MUTYH: variants seen among roughly 807,000 people sequenced by gnomAD.
MUTYH encodes the protein mutY DNA glycosylase, also known as adenine DNA glycosylase.
A neutral mutation model predicts 72.9 loss-of-function variants in MUTYH; 64 were observed. The observed-to-expected ratio is 0.88, with a 90% CI of 0.72 to 1.08. MUTYH has a LOEUF of 1.08. Ranked by LOEUF, MUTYH falls within the 50% of genes least tolerant of loss-of-function variation. The pLI, the probability that MUTYH is intolerant of heterozygous loss-of-function variation, is 0.00. For missense variants in MUTYH, 633 were observed against 671.0 expected (o/e 0.94, Z 0.63); for synonymous variants, 234 against 263.1 (o/e 0.89, Z 1.07).
rs764276907 is a variant in MUTYH at position 45,331,237 on chromosome 1, C to G, written c.1337G>C (p.Arg446Pro). 1 of 1,614,098 alleles carries G rather than the reference C, an allele frequency of 6.2e-7. No homozygotes were observed. The highest frequency in any genetic ancestry group is 8.5e-7 in the Non-Finnish European group (1 of 1,180,048). ...GTGAAATTCCTCCTGCGTCAGCCAGCGAGCACCTGGTGGTACGGTGGTCAC... is the reference window on the plus strand; with the variant it reads ...GTGAAATTCCTCCTGCGTCAGCCAGGGAGCACCTGGTGGTACGGTGGTCAC... ...TPVTTVPPGA[R>P]WLTQEEFHTA... is the part of the protein sequence containing the mutation. Residue 446 changes from arginine (R) to proline (P), a missense_variant, in exon 14 of 16, where the codon CGC becomes CCC. Arg to Pro is a moderately radical substitution (Grantham distance 103, BLOSUM62 -2). Coordinates refer to ENST00000456914, the MANE Select transcript of MUTYH (RefSeq NM_001048174.2).
rs1557470128 is a variant in MUTYH at position 45,332,198 on chromosome 1, G to A, written c.817C>T (p.Pro273Ser). 1 of 1,614,050 alleles carries A rather than the reference G, an allele frequency of 6.2e-7. No homozygotes were observed. The highest frequency in any genetic ancestry group is 1.7e-5 in the Admixed American group (1 of 60,010). The change falls in exon 10 of 16, where the codon CCT becomes TCT. Residue 273 changes from proline to serine, a missense_variant. Physicochemically the swap from Pro to Ser is moderately conservative, Grantham distance 74. Transcript: ENST00000456914. ...TPQRPLCSQC[P>S]VESLCRARQR... is the part of the protein sequence containing the mutation. ...CGTGCCCGGCACAGGCTCTCCACAGGGCACTGGCTGCACAGTGGGCGCTGT... is the reference window on the plus strand; with the variant it reads ...CGTGCCCGGCACAGGCTCTCCACAGAGCACTGGCTGCACAGTGGGCGCTGT...
chr1:45,331,301 A>T lies in MUTYH; in HGVS notation c.1273T>A (p.Tyr425Asn). Residue 425 changes from tyrosine (Y) to asparagine (N), a missense_variant, in exon 14 of 16, where the codon TAT becomes AAT. By Grantham distance (143) the Tyr-to-Asn change is moderately radical. Transcript: ENST00000456914. The part of the protein sequence containing the change: ...VHTFSHIKLT[Y>N]QVYGLALEGQ... ...TCCAAGGCCAGCCCATATACTTGAT[A>T]TGTCAGCTTGATGTGAGAGAAGGTG... 1 of 1,614,158 alleles carries T rather than the reference A, an allele frequency of 6.2e-7. No individual in the cohort carries two copies. The highest frequency in any genetic ancestry group is 8.5e-7 in the Non-Finnish European group (1 of 1,180,018).
chr1:45,333,354 G>C, intron 3 of MUTYH, 30 bp from the exon 4 acceptor site: 1 of 1,614,206 alleles, frequency 6.2e-7, no homozygotes, highest in Non-Finnish European at 8.5e-7. Context: ...TGAGGAGTTA[G>C]GGTGGAGGGG....
At chr1:45,339,997 C>T (rs1557516000), upstream of MUTYH, 3 of 1,536,838 alleles carry the variant, frequency 2.0e-6, no homozygotes, top group Middle Eastern at 1.7e-4. Flanking sequence ...TCTAGCGCGC[C>T]CGGCTTTCCG....
chr1:45,336,609 C>T (rs936034509), intron 1 of MUTYH, among the ~76,000 whole-genome samples: 2 of 152,046 alleles, frequency 1.3e-5, no homozygotes, highest in Non-Finnish European at 2.9e-5. Flanking sequence ...CCCCCTGCCC[C>T]CAAAACATTG....
rs1315680518 is a variant in MUTYH, at chr1:45,329,421, TG to T, written c.1450del (p.Gln484ArgfsTer59). 1 of 1,613,976 alleles carries T rather than the reference TG, an allele frequency of 6.2e-7. No individual in the cohort carries two copies. Among genetic ancestry groups the T allele is most frequent in the Non-Finnish European group, 8.5e-7 (1 of 1,180,006 alleles). ...TTTCCGACTGCACGGAGAGGACACC[TG>T]GGACCTTTTGGAACCCTGTGAAAAA... ...PGTCMGSKRSQVSSPCSRKKP... is the reference protein window; with the variant it reads ...PGTCMGSKRSXVSSPCSRKKP... On this transcript the variant is annotated frameshift_variant, in exon 16 of 16. Transcript: ENST00000456914. LOFTEE classifies it low-confidence loss of function (END_TRUNC).
upstream of MUTYH, chr1:45,340,223 A>G: frequency 2.5e-6 from 4 of 1,613,842 alleles, no homozygotes; most frequent in Non-Finnish European, 3.4e-6. Context: ...GCGTACCCAC[A>G]GACGACTCAG....
At chr1:45,331,976 T>C (rs759129397) in intron 11 of MUTYH, 47 bp downstream of exon 11, 4 of 1,613,852 alleles carry the variant, frequency 2.5e-6, no homozygotes, top group Non-Finnish European at 3.4e-6. Flanking sequence ...ATGGGGCTTC[T>C]GACTGGGCCA....
At position 45,339,969 on chromosome 1, in the gene MUTYH, A is replaced by T; in HGVS notation, c.-77T>A. ...TTCCCGCCGCGAGAGCAGGAGAGAA[A>T]GATTACCTCCCGCGAGCTCTAGCGC... On this transcript the variant is annotated 5_prime_UTR_variant, in exon 1 of 16. Transcript: ENST00000456914. The T allele has an allele frequency of 6.6e-7, 1 of 1,522,266 alleles. No individual in the cohort carries two copies. The highest frequency in any genetic ancestry group is 8.9e-7 in the Non-Finnish European group (1 of 1,129,074). 94.3% of individuals were successfully genotyped at this position (1,522,266 alleles called of 1,614,324 possible).
intron 2 of MUTYH, 158 bp downstream of exon 2, chr1:45,334,233 C>T (rs1292323028): frequency 2.7e-6 from 3 of 1,102,868 alleles, no homozygotes; most frequent in East Asian, 5.3e-5. Flanking sequence ...AAGGGATCCA[C>T]CTGCCTCGGC....
intron 2 of MUTYH, chr1:45,334,006 G>A (rs1390573920): frequency 2.7e-6 from 1 of 375,514 alleles, no homozygotes; most frequent in African/African-American, 2.1e-5. Flanking sequence ...TACACCCTCA[G>A]TGAGTCTCTT....
At position 45,331,480 on chromosome 1, in the gene MUTYH, C is replaced by T. The variant is rs878854184; in HGVS notation, c.1179G>A (p.Leu393=). ...GCCCAGCCCAACGCTGTAGTTCCTG[C>T]AGCAGGGCCTTGCGCTGAAGCTGCT... ...PSEQLQRKAL[L]QELQRWAGPL... is the part of the protein sequence containing the mutation. The change falls in exon 13 of 16, where the codon CTG becomes CTA. Residue 393 remains leucine, a synonymous_variant. Coordinates refer to ENST00000456914, the MANE Select transcript of MUTYH (RefSeq NM_001048174.2). 1.9e-6 allele frequency: 3 copies of T among 1,614,106 alleles called. No homozygotes were observed. The African/African-American group carries it at 4.0e-5, about 22-fold the overall frequency.
At position 45,332,848 on chromosome 1, in the gene MUTYH, C is replaced by A; in HGVS notation, c.421-14G>T. 1 of 1,614,186 alleles carries A rather than the reference C, an allele frequency of 6.2e-7. No individual in the cohort carries two copies. The highest frequency in any genetic ancestry group is 8.5e-7 in the Non-Finnish European group (1 of 1,180,004). On this transcript the variant is annotated splice_polypyrimidine_tract_variant and intron_variant, in intron 6 of 15. Coordinates refer to ENST00000456914, the MANE Select transcript of MUTYH (RefSeq NM_001048174.2). ...TTGATTCACCTCCTGTGGGTAGGAT[C>A]AGAGGTCAAAGAGATCACCCGTCAG... is the stretch of plus-strand genomic sequence containing the variant.
intron 5 of MUTYH, 43 bp from the exon 6 acceptor site, chr1:45,333,002 A>G (rs1382628143): frequency 1.2e-6 from 2 of 1,613,890 alleles, no homozygotes; most frequent in East Asian, 2.2e-5. Flanking sequence ...TCAAGGGTGA[A>G]GGTGGTAGAG....
Position 45,333,113 on chromosome 1 carries a change from T to C in MUTYH, c.362A>G (p.Tyr121Cys), listed in dbSNP as rs1221837292. 1.9e-6 allele frequency: 3 copies of C among 1,613,992 alleles called. No homozygotes were observed. The highest frequency in any genetic ancestry group is 2.7e-5 in the African/African-American group (2 of 74,904). ...QTQVATVINY[Y>C]TGWMQKWPTL... ...TGGAGTCACCTGCATCCATCCGGTATAGTAGTTGATCACAGTGGCAACCTG... is the reference window on the plus strand; with the variant it reads ...TGGAGTCACCTGCATCCATCCGGTACAGTAGTTGATCACAGTGGCAACCTG... The change falls in exon 5 of 16, where the codon TAT (tyrosine) becomes TGT (cysteine). Residue 121 changes from tyrosine (Y) to cysteine (C), a missense_variant. Transcript: ENST00000456914.
intron 7 of MUTYH, 21 bp downstream of exon 7, chr1:45,332,742 A>G: frequency 6.2e-7 from 1 of 1,613,912 alleles, no homozygotes; most frequent in Non-Finnish European, 8.5e-7. Context: ...CTGGGTTCCT[A>G]CCCTCCTGCC....
chr1:45,333,747 T>C (rs1557488679), intron 2 of MUTYH, 186 bp from the exon 3 acceptor site: 11 of 877,308 alleles, frequency 1.3e-5, no homozygotes, highest in Non-Finnish European at 1.7e-6. Context: ...GTTTCTGGCC[T>C]TAATTTTCTC....
chr1:45,335,140 A>G (rs537136159), intron 1 of MUTYH, among the ~76,000 whole-genome samples: 1 of 152,244 alleles, frequency 6.6e-6, no homozygotes, highest in African/African-American at 2.4e-5. Flanking sequence ...TAACTGTTAT[A>G]ATGGCCGCCT....
At position 45,329,347 on chromosome 1, in the gene MUTYH, T is replaced by C. The variant is rs757615745; in HGVS notation, c.1525A>G (p.Ile509Val). 1.9e-6 allele frequency: 3 copies of C among 1,614,182 alleles called. No individual in the cohort carries two copies. Among genetic ancestry groups the C allele is most frequent in the Non-Finnish European group, 2.5e-6 (3 of 1,180,040 alleles). ...QVLDNFFRSH[I>V]STDAHSLNSA... ...TTGAGGCTGTGTGCATCAGTGGAGA[T>C]GTGAGACCGAAAGAAATTATCCAGG... is the stretch of plus-strand genomic sequence containing the variant. The change falls in exon 16 of 16, where the codon ATC becomes GTC. Residue 509 changes from isoleucine to valine, a missense_variant. Physicochemically the swap from Ile to Val is conservative, Grantham distance 29. Coordinates refer to ENST00000456914, the MANE Select transcript of MUTYH (RefSeq NM_001048174.2).
Sources: allele counts gnomAD v4.1 joint callset (sites outside exome capture counted in the v4.1 genomes callset), GRCh38; gene constraint gnomAD v4.1.1; transcripts MANE v1.5; gene names NCBI Gene and HGNC (gene_info 2026-07-23, HGNC 2026-07-21).